RSBN1: variants seen among roughly 807,000 people sequenced by gnomAD.
RSBN1 encodes the protein round spermatid basic protein 1.
A neutral mutation model predicts 74.8 loss-of-function variants in RSBN1; 23 were observed. The observed-to-expected ratio is 0.31, with a 90% confidence interval of 0.22 to 0.44. RSBN1 has a LOEUF of 0.44. RSBN1 is among the 20% of genes least tolerant of loss of function. The pLI is 1.00. For missense variants in RSBN1, 808 were observed against 1,020.9 expected (o/e 0.79, Z 2.84); for synonymous variants, 407 against 379.6 (o/e 1.07, Z -0.84).
At position 113,811,977 on chromosome 1, in the gene RSBN1, G is replaced by A; in HGVS notation, c.436C>T (p.Pro146Ser). 1 of 1,566,488 alleles carries A rather than the reference G, an allele frequency of 6.4e-7. No homozygotes were observed. The highest frequency in any genetic ancestry group is 8.7e-7 in the Non-Finnish European group (1 of 1,155,726). Reference protein sequence around the residue: ...GPVEPLLLPPPPPPSLAPAGP... With the variant: ...GPVEPLLLPPSPPPSLAPAGP... ...GCGGGTGCCAGCGAAGGTGGCGGCG[G>A]AGGCGGCAGGAGAAGAGGCTCAACA... Residue 146 changes from proline (P) to serine (S), a missense_variant, in exon 1 of 7, where the codon CCG becomes TCG. Pro to Ser is a moderately conservative substitution (Grantham distance 74, BLOSUM62 -1). Transcript: ENST00000261441.
intron 1 of RSBN1, among the ~76,000 whole-genome samples, chr1:113,801,385 C>G (rs1660581847): frequency 6.6e-6 from 1 of 152,154 alleles, no homozygotes. Flanking sequence ...AACAAATCTC[C>G]ATGAGTAAAC....
At chr1:113,799,860 A>G (rs1279674659) in intron 1 of RSBN1, among the ~76,000 whole-genome samples, 1 of 152,186 alleles carries the variant, frequency 6.6e-6, no homozygotes, top group Admixed American at 6.5e-5. Flanking sequence ...TTCAGGATTA[A>G]ATACCAGGTA....
At position 113,797,728 on chromosome 1, in the gene RSBN1, T is replaced by C; in HGVS notation, c.1012A>G (p.Met338Val). 1 of 1,614,138 alleles carries C rather than the reference T, an allele frequency of 6.2e-7. No individual in the cohort carries two copies. Among genetic ancestry groups the C allele is most frequent in the Non-Finnish European group, 8.5e-7 (1 of 1,180,006 alleles). Residue 338 changes from methionine to valine, a missense_variant, in exon 2 of 7, where the codon ATG becomes GTG. Coordinates refer to ENST00000261441, the MANE Select transcript of RSBN1 (RefSeq NM_018364.5). ...RVPQGVQTPF[M>V]THQEHSIRRN... The stretch of plus-strand genomic sequence containing the variant: ...CGAATAGAATGTTCCTGGTGAGTCA[T>C]AAAAGGTGTTTGTACTCCCTGGGGT...
At position 113,811,703 on chromosome 1, in the gene RSBN1, C is replaced by A; in HGVS notation, c.703+7G>T. The A allele has an allele frequency of 6.4e-7, 1 of 1,573,826 alleles. No individual in the cohort carries two copies. The highest frequency in any genetic ancestry group is 8.6e-7 in the Non-Finnish European group (1 of 1,156,518). On this transcript the variant is annotated splice_region_variant and intron_variant, in intron 1 of 6. Transcript: ENST00000261441. Reference sequence around the variant, plus strand: ...GAACCCAAGCCGGGCAGTTTGCCTGCTCTCACCTCTCTTGGGGGCTTTGAT... The same window carrying A: ...GAACCCAAGCCGGGCAGTTTGCCTGATCTCACCTCTCTTGGGGGCTTTGAT...
At chr1:113,778,403 T>TTC (rs1183117931) in intron 2 of RSBN1, among the ~76,000 whole-genome samples, 3 of 151,664 alleles carry the variant, frequency 2.0e-5, no homozygotes, top group Admixed American at 1.3e-4. Flanking sequence ...ATTCAAGCAA[T>TTC]TCTCCTCCCT....
In RSBN1 at chr1:113,806,061, T is replaced by A. The variant is rs143906989; in HGVS notation, c.703+5649A>T. Among the ~76,000 whole-genome samples the A allele has an allele frequency of 1.7e-3, 253 of 152,304 alleles. 1 individual carries two copies. The highest frequency in any genetic ancestry group is 3.7e-3 in the Admixed American group (56 of 15,294). On this transcript the variant is annotated intron_variant, in intron 1 of 6. Transcript: ENST00000261441. ...TATTTTAAATTGTAAAAACCATTGT[T>A]AGGCCAGGCACAGTGGCTCATGCCT... is the stretch of plus-strand genomic sequence containing the variant.
In RSBN1 at chr1:113,763,202, T is replaced by G. The variant is rs1443017984; in HGVS notation, c.*2778A>C. The G allele has an allele frequency of 6.5e-6, 1 of 152,788 alleles. No homozygotes were observed. Among genetic ancestry groups the G allele is most frequent in the Non-Finnish European group, 1.5e-5 (1 of 68,020 alleles). 9.5% of individuals were successfully genotyped at this position (152,788 alleles called of 1,614,324 possible). ...TTTTTAATGAATACCATGAAATTAT[T>G]CTACTTTACTAAGTTAGGAATATTC... On this transcript the variant is annotated 3_prime_UTR_variant, in exon 7 of 7. Transcript: ENST00000261441.
chr1:113,782,735 T>C (rs1028557968), intron 2 of RSBN1, among the ~76,000 whole-genome samples: 2 of 152,148 alleles, frequency 1.3e-5, no homozygotes, highest in African/African-American at 4.8e-5. Context: ...CTGTTGACCA[T>C]AATGTCTGTA....
Position 113,786,193 on chromosome 1 carries a change from A to C in RSBN1, c.1378-8385T>G, listed in dbSNP as rs1441772856. Among the ~76,000 whole-genome samples, 5 of 152,246 alleles carry C rather than the reference A, an allele frequency of 3.3e-5. No individual in the cohort carries two copies. In the South Asian group the frequency reaches 1.0e-3, roughly 32 times the overall value. On this transcript the variant is annotated intron_variant, in intron 2 of 6. Coordinates refer to ENST00000261441, the MANE Select transcript of RSBN1 (RefSeq NM_018364.5). ...GATATGATAGATAAGAGAAAGAAGT[A>C]TGAAAGATGACTACCAGGTTCTGTA...
intron 4 of RSBN1, among the ~76,000 whole-genome samples, chr1:113,771,772 A>G: frequency 6.7e-6 from 1 of 148,612 alleles, no homozygotes; most frequent in African/African-American, 2.4e-5. Context: ...AGAACAGAAG[A>G]TATTTAGGAT....
intron 2 of RSBN1, among the ~76,000 whole-genome samples, chr1:113,786,235 A>G (rs1361874027): frequency 6.6e-6 from 1 of 152,228 alleles, no homozygotes; most frequent in Non-Finnish European, 1.5e-5. Context: ...AACCTGAAAG[A>G]GCAACTACTC....
chr1:113,790,423 C>A (rs972959887), intron 2 of RSBN1, among the ~76,000 whole-genome samples: 3 of 152,072 alleles, frequency 2.0e-5, no homozygotes, highest in African/African-American at 7.2e-5. Flanking sequence ...CACAAGTAGA[C>A]AAATTAGCCT....
In RSBN1 at chr1:113,811,887, G is replaced by A. The variant is rs1362034347; in HGVS notation, c.526C>T (p.Leu176=). 2 of 1,612,786 alleles carry A rather than the reference G, an allele frequency of 1.2e-6. No individual in the cohort carries two copies. The highest frequency in any genetic ancestry group is 1.7e-6 in the Non-Finnish European group (2 of 1,179,642). ...STSALFTFSP[L]TVSAAGPKHK... Reference sequence around the variant, plus strand: ...TTGGGCCCGGCCGCGCTCACCGTCAGAGGCGAGAAGGTGAAGAGGGCCGAG... The same window carrying A: ...TTGGGCCCGGCCGCGCTCACCGTCAAAGGCGAGAAGGTGAAGAGGGCCGAG... Residue 176 remains leucine, a synonymous_variant, in exon 1 of 7, where the codon CTG becomes TTG. Coordinates refer to ENST00000261441, the MANE Select transcript of RSBN1 (RefSeq NM_018364.5).
Position 113,797,821 on chromosome 1 carries a change from CCTT to C in RSBN1, c.916_918del (p.Lys306del). On this transcript the variant is annotated inframe_deletion, in exon 2 of 7. Coordinates refer to ENST00000261441, the MANE Select transcript of RSBN1 (RefSeq NM_018364.5). ...TCATCTTTCAGATACCTGAAGGACT[CCTT>C]ATTAAGTCCTGAAGTGCTATTTATT... is the stretch of plus-strand genomic sequence containing the variant. 6.2e-7 allele frequency: 1 copy of C among 1,613,876 alleles called. No homozygotes were observed. The highest frequency in any genetic ancestry group is 1.1e-5 in the South Asian group (1 of 91,074).
intron 1 of RSBN1, among the ~76,000 whole-genome samples, chr1:113,805,881 T>TG (rs747891329): frequency 1.2e-4 from 19 of 152,238 alleles, no homozygotes; most frequent in Non-Finnish European, 2.5e-4. Flanking sequence ...GCAGGTCTTA[T>TG]GGTCTCTGTC....
Position 113,812,247 on chromosome 1 carries a change from CCGCTCCGACCTG to C in RSBN1, c.154_165del (p.Gln52_Ala55del). 1 of 1,606,288 alleles carries C rather than the reference CCGCTCCGACCTG, an allele frequency of 6.2e-7. No individual in the cohort carries two copies. The highest frequency in any genetic ancestry group is 8.5e-7 in the Non-Finnish European group (1 of 1,179,860). On this transcript the variant is annotated inframe_deletion, in exon 1 of 7. Transcript: ENST00000261441. Reference sequence around the variant, plus strand: ...GCCGCCACCGCCCGTACTACGCGCACCGCTCCGACCTGCGCAGCCATTTCACCCACAAACACA... The same window carrying C: ...GCCGCCACCGCCCGTACTACGCGCACCGCAGCCATTTCACCCACAAACACA...
chr1:113,776,527 T>C (rs1210734443), intron 4 of RSBN1, among the ~76,000 whole-genome samples: 1 of 152,094 alleles, frequency 6.6e-6, no homozygotes, highest in Non-Finnish European at 1.5e-5. Context: ...TTTGAAAATG[T>C]ATTAAGTTTG....
intron 2 of RSBN1, among the ~76,000 whole-genome samples, chr1:113,785,020 A>C (rs561923810): frequency 7.6e-6 from 1 of 132,172 alleles, no homozygotes; most frequent in East Asian, 3.5e-4. Context: ...TGAGTTTTTT[A>C]ATTCTTTGAC....
chr1:113,802,807 T>G (rs1200377384), intron 1 of RSBN1, among the ~76,000 whole-genome samples: 1 of 151,788 alleles, frequency 6.6e-6, no homozygotes, highest in Admixed American at 6.6e-5. Context: ...CCAGCCAGAG[T>G]GGAATACTTG....
Sources: allele counts gnomAD v4.1 joint callset (sites outside exome capture counted in the v4.1 genomes callset), GRCh38; gene constraint gnomAD v4.1.1; transcripts MANE v1.5; gene names NCBI Gene and HGNC (gene_info 2026-07-23, HGNC 2026-07-21).